The following PTPRN2 variants were observed in gnomAD, a reference collection of about 807,000 sequenced individuals.
The protein encoded by PTPRN2 is receptor-type tyrosine-protein phosphatase N2.
A neutral mutation model predicts 118.8 loss-of-function variants in PTPRN2; 74 were observed. The observed-to-expected ratio is 0.62, with a 90% confidence interval of 0.52 to 0.76. The LOEUF is 0.76. Among genes scored for constraint, PTPRN2 ranks in the 30% least tolerant of loss-of-function variants. The pLI is 0.00. For synonymous variants in PTPRN2, 641 were observed against 608.0 expected, an observed-to-expected ratio of 1.05 and a Z score of -0.80; for missense variants, 1,481 against 1,394.4, an observed-to-expected ratio of 1.06 and a Z score of -0.99.
intron 2 of PTPRN2, among the ~76,000 whole-genome samples, chr7:158,449,312 A>G (rs1563308080): frequency 6.6e-6 from 1 of 152,230 alleles, no homozygotes; most frequent in Non-Finnish European, 1.5e-5. Flanking sequence ...GGCTGGCCCA[A>G]GGGCAGGTGA....
At chr7:158,385,904 GCTCCTCCTCCCTCCTCCCATTCC>G in intron 2 of PTPRN2, among the ~76,000 whole-genome samples, 1 of 150,348 alleles carries the variant, frequency 6.7e-6, no homozygotes, top group Non-Finnish European at 1.5e-5. Flanking sequence ...CTCCTTCCGT[GCTCCTCCTCCCTCCTCCCATTCC>G]CCGAGTCCCT....
At chr7:157,951,858 GT>G (rs1260055774) in intron 11 of PTPRN2, among the ~76,000 whole-genome samples, 1 of 152,192 alleles carries the variant, frequency 6.6e-6, no homozygotes, top group Non-Finnish European at 1.5e-5. Flanking sequence ...GTCAGCCATG[GT>G]TGGCAGGGAC....
chr7:158,284,813 C>G (rs1157829928), intron 3 of PTPRN2, among the ~76,000 whole-genome samples: 1 of 152,236 alleles, frequency 6.6e-6, no homozygotes, highest in Non-Finnish European at 1.5e-5. Context: ...GGAACTTCTA[C>G]TACATATGTG....
At chr7:158,253,602 C>T (rs1353382346) in intron 3 of PTPRN2, among the ~76,000 whole-genome samples, 1 of 152,192 alleles carries the variant, frequency 6.6e-6, no homozygotes, top group Non-Finnish European at 1.5e-5. Context: ...CTGTCCCCTC[C>T]CCTCGGCGGT....
rs1328448171 is a variant in PTPRN2 at position 158,570,253 on chromosome 7, C to T, written c.112+17305G>A. ...AGGCCGCTCCTTGGCCATGGGCCCT[C>T]GGTCCTCGCCCTGAGCAGCGCGCCG... is the stretch of plus-strand genomic sequence containing the variant. On this transcript the variant is annotated intron_variant, in intron 1 of 22. Transcript: ENST00000389418. This position sits in a 1 kb window ranked among gnomAD's most constrained non-coding sequence, Gnocchi z 4.5. Among the ~76,000 whole-genome samples the T allele has an allele frequency of 6.6e-6, 1 of 152,240 alleles. No individual in the cohort carries two copies. Among genetic ancestry groups the T allele is most frequent in the African/African-American group, 2.4e-5 (1 of 41,464 alleles).
intron 11 of PTPRN2, among the ~76,000 whole-genome samples, chr7:158,071,455 T>TA (rs1563391445): frequency 2.8e-5 from 2 of 72,478 alleles, no homozygotes; most frequent in Admixed American, 1.4e-4. Context: ...GTGCTCGTGG[T>TA]TGAGGTGCTC....
intron 11 of PTPRN2, among the ~76,000 whole-genome samples, chr7:158,051,705 AT>A (rs561720290): frequency 6.6e-5 from 10 of 152,038 alleles, no homozygotes; most frequent in Admixed American, 3.9e-4. Flanking sequence ...TGTTCACTTC[AT>A]TTTTTTTAGA....
At position 157,572,624 on chromosome 7, in the gene PTPRN2, A is replaced by G. The variant is rs143183265; in HGVS notation, c.2784-1131T>C. Among the ~76,000 whole-genome samples the G allele has an allele frequency of 4.2e-4, 64 of 152,278 alleles. No homozygotes were observed. In the East Asian group the frequency reaches 8.9e-3, roughly 21 times the overall value. ...CAGAGCTTTCTCCTCCTCTCTTCCT[A>G]TTCCCTGAGGAGTTACCAGAACAAG... is the stretch of plus-strand genomic sequence containing the variant. On this transcript the variant is annotated intron_variant, in intron 19 of 22. Transcript: ENST00000389418.
chr7:157,670,700 T>C (rs1180350719), intron 13 of PTPRN2, among the ~76,000 whole-genome samples: 1 of 152,120 alleles, frequency 6.6e-6, no homozygotes, highest in Non-Finnish European at 1.5e-5. Context: ...GCAATTAAGT[T>C]CTAAGGGCTT....
chr7:157,576,526 C>CA (rs1404334685), intron 19 of PTPRN2, 87 bp downstream of exon 19: 1 of 1,338,584 alleles, frequency 7.5e-7, no homozygotes, highest in African/African-American at 1.5e-5. Flanking sequence ...CCCTCGGCGC[C>CA]AGGGGCGTCT....
At chr7:157,559,352 G>T (rs1799064355) in intron 21 of PTPRN2, among the ~76,000 whole-genome samples, 1 of 152,194 alleles carries the variant, frequency 6.6e-6, no homozygotes, top group South Asian at 2.1e-4. Context: ...GTGCCTCCAG[G>T]ACAACAGGGA....
At chr7:158,186,701 C>T (rs927082130) in intron 5 of PTPRN2, among the ~76,000 whole-genome samples, 5 of 152,196 alleles carry the variant, frequency 3.3e-5, no homozygotes, top group Non-Finnish European at 7.3e-5. Context: ...CAGAAGCCCG[C>T]CTGGGCCACC....
intron 2 of PTPRN2, among the ~76,000 whole-genome samples, chr7:158,475,902 C>A (rs927119439): frequency 2.0e-5 from 3 of 152,208 alleles, no homozygotes. Context: ...ACCCAGAGTT[C>A]TTTCCTTAAA....
At chr7:158,238,088 G>A (rs1585934387) in intron 3 of PTPRN2, among the ~76,000 whole-genome samples, 1 of 152,168 alleles carries the variant, frequency 6.6e-6, no homozygotes, top group African/African-American at 2.4e-5. Context: ...GCCTCCTGCT[G>A]GGAACGTCCG....
In PTPRN2 at chr7:158,526,438, A is replaced by G. The variant is rs1157261970; in HGVS notation, c.113-36653T>C. Reference sequence around the variant, plus strand: ...CAGGCAACCACGTTCCCACAAACACAGGGTCTGGAGGTCTCTCCGCTGGTC... The same window carrying G: ...CAGGCAACCACGTTCCCACAAACACGGGGTCTGGAGGTCTCTCCGCTGGTC... On this transcript the variant is annotated intron_variant, in intron 1 of 22. Coordinates refer to ENST00000389418, the MANE Select transcript of PTPRN2 (RefSeq NM_002847.5). This position sits in a 1 kb window ranked among gnomAD's most constrained non-coding sequence, Gnocchi z 5.2. 6.6e-6 allele frequency among the ~76,000 whole-genome samples: 1 copy of G among 152,148 alleles called. No individual in the cohort carries two copies. Among genetic ancestry groups the G allele is most frequent in the Non-Finnish European group, 1.5e-5 (1 of 68,036 alleles).
chr7:157,624,026 A>G (rs1167369042), intron 14 of PTPRN2, among the ~76,000 whole-genome samples: 1 of 152,186 alleles, frequency 6.6e-6, no homozygotes, highest in African/African-American at 2.4e-5. Flanking sequence ...TAGCAAAGTA[A>G]TGTTTTAAAC....
intron 12 of PTPRN2, among the ~76,000 whole-genome samples, chr7:157,852,117 C>T (rs981030190): frequency 3.2e-4 from 49 of 152,176 alleles, no homozygotes; most frequent in Admixed American, 2.2e-3. Flanking sequence ...TTTTAAAATA[C>T]GCCAGAAATG....
chr7:157,667,928 G>T (rs1228907734), intron 13 of PTPRN2, among the ~76,000 whole-genome samples: 2 of 152,248 alleles, frequency 1.3e-5, no homozygotes, highest in Admixed American at 6.5e-5. Flanking sequence ...GCCCACACCA[G>T]CACCCTGCCC....
At chr7:157,714,920 A>G (rs10250276) in intron 12 of PTPRN2, among the ~76,000 whole-genome samples, 10,930 of 146,800 alleles carry the variant, frequency 0.074, 736 homozygotes, top group African/African-American at 0.19. Flanking sequence ...TCCAAGCCCG[A>G]TCACTTCTCC....
Sources: allele counts gnomAD v4.1 joint callset (sites outside exome capture counted in the v4.1 genomes callset), GRCh38; gene constraint gnomAD v4.1.1; non-coding constraint Gnocchi (gnomAD v3.1); transcripts MANE v1.5; gene names NCBI Gene and HGNC (gene_info 2026-07-23, HGNC 2026-07-21).